The following PCDH11Y variants were observed in gnomAD, a reference collection of about 807,000 sequenced individuals.
PCDH11Y encodes the protein protocadherin-11 Y-linked.
For missense variants in PCDH11Y, 12 were observed against 224.8 expected (o/e 0.05, Z 6.05); for synonymous variants, 9 against 83.6 (o/e 0.11, Z 4.87).
At chrY:5,721,065 G>T (rs2124714083) in intron 4 of PCDH11Y, among the ~76,000 whole-genome samples, 1 of 33,588 alleles carries the variant, frequency 3.0e-5, no homozygotes, top group South Asian at 6.6e-4. Flanking sequence ...TGCTGGGTTA[G>T]GCATGTTAAG....
chrY:5,525,943 C>CTGTG (rs752117151), intron 3 of PCDH11Y, among the ~76,000 whole-genome samples: 242 of 28,356 alleles, frequency 8.5e-3, no homozygotes, highest in African/African-American at 0.029. Flanking sequence ...CTCTCTCTCT[C>CTGTG]TGTGTGTGTG....
At chrY:5,379,445 A>T (rs2053202689) in intron 2 of PCDH11Y, among the ~76,000 whole-genome samples, 1 of 29,956 alleles carries the variant, frequency 3.3e-5, no homozygotes, top group Non-Finnish European at 8.0e-5. Flanking sequence ...GTCCCTGGCT[A>T]GGGCTCCACC....
At chrY:5,549,070 A>C in intron 3 of PCDH11Y, among the ~76,000 whole-genome samples, 1 of 30,794 alleles carries the variant, frequency 3.2e-5, no homozygotes, top group Non-Finnish European at 8.0e-5. Flanking sequence ...ACACATATCA[A>C]TACCAACATT....
At chrY:5,330,078 T>TCAG (rs2053128690) in intron 2 of PCDH11Y, among the ~76,000 whole-genome samples, 121 of 32,074 alleles carry the variant, frequency 3.8e-3, no homozygotes, top group African/African-American at 0.014. Context: ...GAAAAGAGAG[T>TCAG]CAGCGAAGGG....
intron 2 of PCDH11Y, among the ~76,000 whole-genome samples, chrY:5,412,882 T>A: frequency 3.0e-5 from 1 of 33,226 alleles, no homozygotes; most frequent in Non-Finnish European, 7.4e-5. Context: ...TATATTTGCA[T>A]GAAGTTTTCT....
intron 2 of PCDH11Y, among the ~76,000 whole-genome samples, chrY:5,213,812 A>AG (rs2052942102): frequency 3.0e-5 from 1 of 32,861 alleles, no homozygotes; most frequent in Non-Finnish European, 7.5e-5. Flanking sequence ...GAAAAAAAAA[A>AG]GAAAAGAGAA....
At chrY:5,352,118 C>CT (rs2053160012) in intron 2 of PCDH11Y, among the ~76,000 whole-genome samples, 51 of 24,698 alleles carry the variant, frequency 2.1e-3, no homozygotes, top group African/African-American at 5.5e-3. Context: ...TTTCCGCCCA[C>CT]TTTTTTTTTT....
At chrY:5,169,771 G>A (rs2124645418) in intron 2 of PCDH11Y, among the ~76,000 whole-genome samples, 2 of 31,955 alleles carry the variant, frequency 6.3e-5, no homozygotes, top group African/African-American at 2.4e-4. Context: ...TATCTTGGAA[G>A]TGCACATTTA....
intron 2 of PCDH11Y, among the ~76,000 whole-genome samples, chrY:5,294,988 T>C (rs1602900372): frequency 2.8e-3 from 95 of 33,626 alleles, no homozygotes; most frequent in African/African-American, 0.01. Flanking sequence ...TCCTTCATGC[T>C]TACAGAATAT....
chrY:5,273,665 C>A, intron 2 of PCDH11Y, among the ~76,000 whole-genome samples: 1 of 32,669 alleles, frequency 3.1e-5, no homozygotes, highest in African/African-American at 1.2e-4. Context: ...TCTCAGATAG[C>A]CAACTTCAGA....
intron 2 of PCDH11Y, among the ~76,000 whole-genome samples, chrY:5,442,508 G>T: frequency 6.3e-5 from 2 of 31,751 alleles, no homozygotes; most frequent in Non-Finnish European, 1.5e-4. Flanking sequence ...ACTATCTAAG[G>T]TTCCACAGTG....
chrY:5,353,456 C>T, intron 2 of PCDH11Y, among the ~76,000 whole-genome samples: 5 of 32,678 alleles, frequency 1.5e-4, no homozygotes, highest in Non-Finnish European at 3.7e-4. Flanking sequence ...AAGAGGTTTT[C>T]TCAGGTGATA....
At chrY:5,385,539 G>A (rs2124675118) in intron 2 of PCDH11Y, among the ~76,000 whole-genome samples, 3 of 32,252 alleles carry the variant, frequency 9.3e-5, no homozygotes, top group South Asian at 7.0e-4. Flanking sequence ...TTATCCACTC[G>A]TTGAGTGATG....
At chrY:5,253,336 T>C in intron 2 of PCDH11Y, among the ~76,000 whole-genome samples, 1 of 28,582 alleles carries the variant, frequency 3.5e-5, no homozygotes, top group African/African-American at 1.4e-4. Flanking sequence ...CAGATACTCA[T>C]GAATTACTCT....
chrY:5,439,761 T>C, intron 2 of PCDH11Y, among the ~76,000 whole-genome samples: 1 of 34,164 alleles, frequency 2.9e-5, no homozygotes, highest in African/African-American at 1.1e-4. Context: ...CTGGGAAGCT[T>C]TGCAAATATG....
At chrY:5,343,347 G>T (rs2053148080) in intron 2 of PCDH11Y, among the ~76,000 whole-genome samples, 1 of 28,015 alleles carries the variant, frequency 3.6e-5, no homozygotes, top group African/African-American at 1.4e-4. Context: ...TCCACCTCCC[G>T]GGTTCACGCC....
intron 2 of PCDH11Y, among the ~76,000 whole-genome samples, chrY:5,353,983 GCGAGACTCCGTCCCC>G (rs2053162854): frequency 2.7e-4 from 9 of 33,676 alleles, no homozygotes; most frequent in Admixed American, 2.5e-3. Flanking sequence ...GGGCAACAGA[GCGAGACTCCGTCCCC>G]CACCTCCGTG....
intron 3 of PCDH11Y, among the ~76,000 whole-genome samples, chrY:5,539,878 AAGC>A (rs2053404596): frequency 6.1e-5 from 2 of 32,577 alleles, no homozygotes; most frequent in African/African-American, 1.2e-4. Context: ...TTTTATTCAA[AAGC>A]GACCTTGGAG....
chrY:5,144,528 CA>C (rs2052854799), intron 2 of PCDH11Y, among the ~76,000 whole-genome samples: 1 of 33,060 alleles, frequency 3.0e-5, no homozygotes, highest in African/African-American at 1.2e-4. Context: ...AAATATTATT[CA>C]AAAAAGTAAT....
Sources: gnomAD v4.1 joint callset for allele counts (sites outside exome capture counted in the v4.1 genomes callset) on GRCh38, gnomAD v4.1.1 for gene constraint, MANE v1.5 for transcripts, NCBI Gene and HGNC (gene_info 2026-07-23, HGNC 2026-07-21) for gene names.